Variants in NUS1 observed in about 807,000 individuals in gnomAD.
NUS1 encodes NUS1 dehydrodolichyl diphosphate synthase subunit, also known as dehydrodolichyl diphosphate synthase complex subunit NUS1.
For synonymous variants in NUS1, 135 were observed against 155.2 expected (o/e 0.87, Z 0.97); for missense variants, 292 against 382.9 (o/e 0.76, Z 1.98).
chr6:117,684,880 A>G (rs550054898), intron 1 of NUS1, among the ~76,000 whole-genome samples: 1 of 152,256 alleles, frequency 6.6e-6, no homozygotes, highest in Non-Finnish European at 1.5e-5. Flanking sequence ...GGAAGGATAC[A>G]TATTACACAA....
chr6:117,680,949 A>G (rs1773053022), intron 1 of NUS1, among the ~76,000 whole-genome samples: 1 of 152,194 alleles, frequency 6.6e-6, no homozygotes, highest in East Asian at 1.9e-4. Flanking sequence ...TAACATTTTA[A>G]AAGTCTGCCC....
In NUS1 at chr6:117,675,745, G is replaced by C. The variant is rs774553541; in HGVS notation, c.75G>C (p.Trp25Cys). The C allele has an allele frequency of 8.4e-6, 13 of 1,547,360 alleles. No homozygotes were observed. Among genetic ancestry groups the C allele is most frequent in the Middle Eastern group, 2.3e-4 (1 of 4,386 alleles). ...LLCLHRTLTS[W>C]LRVRFGTWNW... The stretch of plus-strand genomic sequence containing the variant: ...GTCTGCACCGCACGCTCACCTCCTG[G>C]CTCCGCGTTCGGTTCGGCACCTGGA... The change falls in exon 1 of 5, where the codon TGG becomes TGC. Residue 25 changes from tryptophan to cysteine, a missense_variant. Coordinates refer to ENST00000368494, the MANE Select transcript of NUS1 (RefSeq NM_138459.5).
intron 1 of NUS1, among the ~76,000 whole-genome samples, chr6:117,679,234 T>C (rs773843088): frequency 6.6e-6 from 1 of 152,172 alleles, no homozygotes; most frequent in Non-Finnish European, 1.5e-5. Flanking sequence ...ACCTCCATAT[T>C]TGTCTGGTAA....
chr6:117,705,312 G>T (rs1277185022), intron 4 of NUS1, among the ~76,000 whole-genome samples: 1 of 152,188 alleles, frequency 6.6e-6, no homozygotes. Flanking sequence ...CAGTGATGCT[G>T]TGTACAGTTG....
chr6:117,685,737 ATAAAG>A (rs1773127435), intron 1 of NUS1, among the ~76,000 whole-genome samples: 1 of 152,198 alleles, frequency 6.6e-6, no homozygotes. Context: ...GCAACAAAAC[ATAAAG>A]TAAAAATCTT....
intron 3 of NUS1, among the ~76,000 whole-genome samples, chr6:117,701,772 G>T (rs1050036578): frequency 4.6e-5 from 7 of 151,828 alleles, no homozygotes; most frequent in African/African-American, 1.5e-4. Context: ...AGCTCTTTTT[G>T]TAGAGACTTA....
intron 3 of NUS1, among the ~76,000 whole-genome samples, chr6:117,695,470 C>T (rs1359995780): frequency 6.6e-6 from 1 of 152,094 alleles, no homozygotes; most frequent in Non-Finnish European, 1.5e-5. Flanking sequence ...TGACTGTTTC[C>T]TGCACCCTAT....
At chr6:117,697,485 CCAAAAAGAG>C (rs1299353051) in intron 3 of NUS1, among the ~76,000 whole-genome samples, 1 of 151,722 alleles carries the variant, frequency 6.6e-6, no homozygotes, top group Non-Finnish European at 1.5e-5. Context: ...CAACGGAAAC[CCAAAAAGAG>C]CAGGAGTTAC....
chr6:117,677,770 C>G (rs1773004818), intron 1 of NUS1, among the ~76,000 whole-genome samples: 1 of 152,142 alleles, frequency 6.6e-6, no homozygotes, highest in Non-Finnish European at 1.5e-5. Context: ...ATGGAACTTG[C>G]TAAAGAACTC....
At chr6:117,698,043 GCTC>G (rs1773346880) in intron 3 of NUS1, among the ~76,000 whole-genome samples, 1 of 151,952 alleles carries the variant, frequency 6.6e-6, no homozygotes, top group Non-Finnish European at 1.5e-5. Flanking sequence ...TAATCAGTAT[GCTC>G]CTGGATTACC....
chr6:117,682,369 A>G (rs1433947043), intron 1 of NUS1, among the ~76,000 whole-genome samples: 1 of 152,078 alleles, frequency 6.6e-6, no homozygotes, highest in Non-Finnish European at 1.5e-5. Flanking sequence ...GGAGGCTGAC[A>G]TGGGAGGATT....
intron 1 of NUS1, among the ~76,000 whole-genome samples, chr6:117,683,953 AAGACTG>A (rs1773099759): frequency 6.6e-6 from 1 of 152,226 alleles, no homozygotes; most frequent in Non-Finnish European, 1.5e-5. Context: ...GTTAATGTGT[AAGACTG>A]AATACAGTAT....
intron 4 of NUS1, among the ~76,000 whole-genome samples, chr6:117,706,651 A>C (rs1050485016): frequency 1.3e-5 from 2 of 152,124 alleles, no homozygotes; most frequent in Non-Finnish European, 2.9e-5. Context: ...GGGAATAGCT[A>C]TCTTCAATGA....
chr6:117,707,891 T>G lies in NUS1; in HGVS notation c.*876T>G, dbSNP rs1300644121. The G allele has an allele frequency of 4.6e-5, 7 of 152,384 alleles. No individual in the cohort carries two copies. Among genetic ancestry groups the G allele is most frequent in the Non-Finnish European group, 7.3e-5 (5 of 68,050 alleles). 9.4% of individuals were successfully genotyped at this position (152,384 alleles called of 1,614,324 possible). ...GATAGTAAAGGTGGAAAACTTATTA[T>G]AAATGGAAAGAAAGTTTTATTTCCT... On this transcript the variant is annotated 3_prime_UTR_variant, in exon 5 of 5. Transcript: ENST00000368494.
chr6:117,687,183 G>T (rs920213529), intron 1 of NUS1, among the ~76,000 whole-genome samples: 1 of 152,114 alleles, frequency 6.6e-6, no homozygotes, highest in Non-Finnish European at 1.5e-5. Flanking sequence ...TGGAACTTCT[G>T]CCTGTGTGCA....
rs1232374445 is a variant in NUS1 at position 117,675,553 on chromosome 6, G to A, written c.-118G>A. ...GTGTTGGCAGTGGAAAGGGGTTCGG[G>A]CTCGGGGGGCGGGGGGACGCGGAGC... is the stretch of plus-strand genomic sequence containing the variant. On this transcript the variant is annotated 5_prime_UTR_variant, in exon 1 of 5. Coordinates refer to ENST00000368494, the MANE Select transcript of NUS1 (RefSeq NM_138459.5). 3 of 1,093,726 alleles carry A rather than the reference G, an allele frequency of 2.7e-6. No homozygotes were observed. The highest frequency in any genetic ancestry group is 1.5e-5 in the South Asian group (1 of 66,654). 67.8% of individuals were successfully genotyped at this position (1,093,726 alleles called of 1,614,324 possible). A position where few individuals can be genotyped will look rare whatever the true frequency, so the allele number is the denominator to read the frequency against.
Position 117,709,096 on chromosome 6 carries a change from C to T in NUS1, c.*2081C>T, listed in dbSNP as rs1391200495. On this transcript the variant is annotated 3_prime_UTR_variant, in exon 5 of 5. Transcript: ENST00000368494. ...CTAGGATTCTGATTTCAGATGTAGT[C>T]ATTCCAGAACCTTCTCTTTATGAGT... is the stretch of plus-strand genomic sequence containing the variant. The T allele has an allele frequency of 6.6e-6, 1 of 152,110 alleles. No individual in the cohort carries two copies. The highest frequency in any genetic ancestry group is 1.5e-5 in the Non-Finnish European group (1 of 67,970). 9.4% of individuals were successfully genotyped at this position (152,110 alleles called of 1,614,324 possible).
At chr6:117,683,592 A>T (rs995076894) in intron 1 of NUS1, among the ~76,000 whole-genome samples, 1 of 152,202 alleles carries the variant, frequency 6.6e-6, no homozygotes, top group Non-Finnish European at 1.5e-5. Context: ...CTTTAATTCC[A>T]TAACCAGTGA....
At position 117,692,979 on chromosome 6, in the gene NUS1, G is replaced by A. The variant is rs1773262879; in HGVS notation, c.416-63G>A. 1.2e-5 allele frequency: 16 copies of A among 1,341,018 alleles called. 1 individual carries two copies. The South Asian group carries it at 1.8e-4, about 15-fold the overall frequency. The allele number at this position is 1,341,018 out of a possible 1,614,324, so 83.1% of individuals were successfully genotyped here. On this transcript the variant is annotated intron_variant, in intron 1 of 4. Coordinates refer to ENST00000368494, the MANE Select transcript of NUS1 (RefSeq NM_138459.5). ...GGATCTAGTGTTGTTTTCATAGCAA[G>A]CATTCACTTGAAGAGGAAAAATTAA...
Sources: allele counts gnomAD v4.1 joint callset (sites outside exome capture counted in the v4.1 genomes callset), GRCh38; gene constraint gnomAD v4.1.1; transcripts MANE v1.5; gene names NCBI Gene and HGNC (gene_info 2026-07-23, HGNC 2026-07-21).